The following KCNJ6 variants were observed in gnomAD, a reference collection of about 807,000 sequenced individuals.
KCNJ6 encodes the protein G protein-activated inward rectifier potassium channel 2.
In KCNJ6, 9 loss-of-function variants were observed where a neutral mutation model predicts 34.2. The ratio of observed to expected loss-of-function variants is 0.26; its 90% CI spans 0.16 to 0.46. The LOEUF is 0.46. Among genes scored for constraint, KCNJ6 ranks in the 20% least tolerant of loss-of-function variants. KCNJ6 has a pLI of 1.00. For missense variants in KCNJ6, 236 were observed against 531.3 expected, an observed-to-expected ratio of 0.44 and a Z score of 5.46; for synonymous variants, 196 against 207.1, an observed-to-expected ratio of 0.95 and a Z score of 0.46.
At chr21:37,914,008 G>GTGTGTGTGTGT (rs1555855560) in intron 1 of KCNJ6, among the ~76,000 whole-genome samples, 2 of 135,584 alleles carry the variant, frequency 1.5e-5, no homozygotes, top group South Asian at 2.6e-4. Context: ...GGCGGATCGG[G>GTGTGTGTGTGT]GTGTGTGTGT....
chr21:37,847,449 T>A (rs1448017849), intron 1 of KCNJ6, among the ~76,000 whole-genome samples: 1 of 152,130 alleles, frequency 6.6e-6, no homozygotes, highest in Non-Finnish European at 1.5e-5. Context: ...TGGTGAGAAG[T>A]CCTAGAAATG....
chr21:37,897,444 C>T (rs2055794437), intron 1 of KCNJ6, among the ~76,000 whole-genome samples: 1 of 152,220 alleles, frequency 6.6e-6, no homozygotes, highest in African/African-American at 2.4e-5. Flanking sequence ...ACCCACCACA[C>T]AACACTTTCT....
intron 2 of KCNJ6, among the ~76,000 whole-genome samples, chr21:37,816,475 A>T (rs1247633637): frequency 6.6e-6 from 1 of 152,234 alleles, no homozygotes; most frequent in African/African-American, 2.4e-5. Context: ...TTACAAACGA[A>T]CTGACTTTTA....
chr21:37,738,765 T>C (rs2054925644), intron 2 of KCNJ6, among the ~76,000 whole-genome samples: 1 of 152,226 alleles, frequency 6.6e-6, no homozygotes, highest in Admixed American at 6.5e-5. Context: ...TTGTTTTTAA[T>C]GGGCCCTGCA....
chr21:37,813,937 G>A (rs1361038963), intron 2 of KCNJ6, among the ~76,000 whole-genome samples: 1 of 149,410 alleles, frequency 6.7e-6, no homozygotes, highest in East Asian at 2.0e-4. Context: ...TTTGCACAAT[G>A]AAGGAAACAA....
At chr21:37,674,369 C>T (rs1432362189) in intron 3 of KCNJ6, among the ~76,000 whole-genome samples, 1 of 152,120 alleles carries the variant, frequency 6.6e-6, no homozygotes, top group African/African-American at 2.4e-5. Flanking sequence ...CACAGCCATC[C>T]TTTCAAAATG....
rs187867665 is a variant in KCNJ6 at position 37,679,930 on chromosome 21, T to C, written c.946+34281A>G. On this transcript the variant is annotated intron_variant, in intron 3 of 3. Transcript: ENST00000609713. Reference sequence around the variant, plus strand: ...TTTTTGAAACAACTGAGAGTATCCATGGTCACTGGTGCTCAGGGATTCCCT... The same window carrying C: ...TTTTTGAAACAACTGAGAGTATCCACGGTCACTGGTGCTCAGGGATTCCCT... 1.1e-4 allele frequency among the ~76,000 whole-genome samples: 17 copies of C among 152,358 alleles called. No individual in the cohort carries two copies. In the East Asian group the frequency reaches 3.3e-3, roughly 29 times the overall value.
At chr21:37,667,022 G>T (rs945667549) in intron 3 of KCNJ6, among the ~76,000 whole-genome samples, 1 of 151,510 alleles carries the variant, frequency 6.6e-6, no homozygotes, top group Non-Finnish European at 1.5e-5. Context: ...GTGGAAGGCC[G>T]CAGGGACCAC....
chr21:37,817,465 A>C (rs1430592469), intron 2 of KCNJ6, among the ~76,000 whole-genome samples: 1 of 152,242 alleles, frequency 6.6e-6, no homozygotes, highest in African/African-American at 2.4e-5. Flanking sequence ...GGAAACAGAG[A>C]GGTTAAGAAA....
At chr21:37,690,812 C>T (rs1330185496) in intron 3 of KCNJ6, among the ~76,000 whole-genome samples, 2 of 142,734 alleles carry the variant, frequency 1.4e-5, no homozygotes, top group African/African-American at 5.3e-5. Context: ...TAGAGTCTTG[C>T]TCTGTTGCCC....
intron 1 of KCNJ6, among the ~76,000 whole-genome samples, chr21:37,915,030 T>C (rs966003863): frequency 6.6e-6 from 1 of 152,068 alleles, no homozygotes; most frequent in Non-Finnish European, 1.5e-5. Flanking sequence ...TATTAAGATA[T>C]ATTTTCCCCC....
chr21:37,712,567 CCTCCTCTT>C (rs1357738877), intron 3 of KCNJ6, among the ~76,000 whole-genome samples: 3 of 107,180 alleles, frequency 2.8e-5, no homozygotes, highest in African/African-American at 1.0e-4. Context: ...CTCCCCTTCT[CCTCCTCTT>C]CTTCCTCCCT....
intron 1 of KCNJ6, among the ~76,000 whole-genome samples, chr21:37,909,129 T>C (rs2055855331): frequency 1.3e-5 from 2 of 152,216 alleles, no homozygotes; most frequent in African/African-American, 2.4e-5. Flanking sequence ...GTACTAAAGA[T>C]GACAAAGTGT....
At chr21:37,751,493 G>C (rs1181906474) in intron 2 of KCNJ6, among the ~76,000 whole-genome samples, 1 of 152,158 alleles carries the variant, frequency 6.6e-6, no homozygotes, top group East Asian at 1.9e-4. Flanking sequence ...GAGCACCCTG[G>C]GAATGAAGTG....
intron 2 of KCNJ6, among the ~76,000 whole-genome samples, chr21:37,751,749 A>T (rs1317928248): frequency 1.3e-5 from 2 of 152,132 alleles, no homozygotes; most frequent in Non-Finnish European, 2.9e-5. Flanking sequence ...CTCTTACCAG[A>T]AGGGAGAATG....
Position 37,617,182 on chromosome 21 carries a change from T to TTCCC in KCNJ6, c.*7976_*7977insGGGA, listed in dbSNP as rs2054275090. The stretch of plus-strand genomic sequence containing the variant: ...TTCTTTATCTTTTTTCCTTCCTTCC[T>TTCCC]TCCTTCCTTCCTTCCTTCCTTCCTT... On this transcript the variant is annotated 3_prime_UTR_variant, in exon 4 of 4. Coordinates refer to ENST00000609713, the MANE Select transcript of KCNJ6 (RefSeq NM_002240.5). The TTCCC allele has an allele frequency of 7.4e-6, 1 of 135,446 alleles. No homozygotes were observed. The highest frequency in any genetic ancestry group is 1.6e-5 in the Non-Finnish European group (1 of 64,454). The allele number at this position is 135,446 out of a possible 1,614,324, so 8.4% of individuals were successfully genotyped here.
chr21:37,799,394 G>T (rs1295057597), intron 2 of KCNJ6, among the ~76,000 whole-genome samples: 1 of 152,176 alleles, frequency 6.6e-6, no homozygotes, highest in Non-Finnish European at 1.5e-5. Context: ...GGGAAGGCTG[G>T]GAGAAGCTGG....
intron 3 of KCNJ6, among the ~76,000 whole-genome samples, chr21:37,663,838 C>T (rs572728303): frequency 3.9e-5 from 6 of 152,272 alleles, no homozygotes; most frequent in African/African-American, 7.2e-5. Flanking sequence ...TAAGAATATA[C>T]GCATACCTAT....
chr21:37,767,406 ACT>A (rs1215241853), intron 2 of KCNJ6, among the ~76,000 whole-genome samples: 1 of 152,078 alleles, frequency 6.6e-6, no homozygotes, highest in Non-Finnish European at 1.5e-5. Flanking sequence ...ACCTTAGAAC[ACT>A]CTAGTTCAAA....
Sources: gnomAD v4.1 joint callset for allele counts (sites outside exome capture counted in the v4.1 genomes callset) on GRCh38, gnomAD v4.1.1 for gene constraint, MANE v1.5 for transcripts, NCBI Gene and HGNC (gene_info 2026-07-23, HGNC 2026-07-21) for gene names.